Variants in INPP5B observed in about 807,000 individuals in gnomAD.
INPP5B encodes the protein type II inositol 1,4,5-trisphosphate 5-phosphatase.
A neutral mutation model predicts 118.5 loss-of-function variants in INPP5B; 90 were observed. The ratio of observed to expected loss-of-function variants is 0.76; its 90% CI spans 0.64 to 0.90. The LOEUF (loss-of-function observed/expected upper bound fraction) is 0.90. Among genes scored for constraint, INPP5B ranks in the 40% least tolerant of loss-of-function variants. The pLI is 0.00. For synonymous variants in INPP5B, 385 were observed against 418.9 expected, an observed-to-expected ratio of 0.92 and a Z score of 0.99; for missense variants, 984 against 1,125.6, an observed-to-expected ratio of 0.87 and a Z score of 1.80.
chr1:37,928,078 C>A (rs931582881), intron 7 of INPP5B, among the ~76,000 whole-genome samples: 3 of 152,142 alleles, frequency 2.0e-5, no homozygotes, highest in Non-Finnish European at 4.4e-5. Flanking sequence ...CAACCCTATA[C>A]TCTCTTACCT....
intron 6 of INPP5B, among the ~76,000 whole-genome samples, chr1:37,938,848 G>A (rs1350626029): frequency 2.0e-5 from 3 of 152,128 alleles, no homozygotes; most frequent in Non-Finnish European, 4.4e-5. Flanking sequence ...CCTTAGGCCG[G>A]GAGTTCGAGA....
chr1:37,925,994 G>C (rs1345914840), intron 7 of INPP5B, among the ~76,000 whole-genome samples: 2 of 152,172 alleles, frequency 1.3e-5, no homozygotes, highest in Non-Finnish European at 2.9e-5. Context: ...ATAAACAAAA[G>C]CAAATTTATT....
At chr1:37,887,027 T>C in intron 11 of INPP5B, 23 bp from the exon 12 acceptor site, 1 of 1,595,762 alleles carries the variant, frequency 6.3e-7, no homozygotes, top group Non-Finnish European at 8.6e-7. Context: ...GACATGGCAT[T>C]AAATAGAAAT....
chr1:37,868,134 G>C (rs1642161518), intron 20 of INPP5B, among the ~76,000 whole-genome samples: 1 of 151,846 alleles, frequency 6.6e-6, no homozygotes, highest in East Asian at 1.9e-4. Flanking sequence ...GTCAGAAGTT[G>C]CAAGACCCAT....
chr1:37,932,040 C>T lies in INPP5B; in HGVS notation c.405G>A (p.Ala135=). The T allele has an allele frequency of 1.3e-6, 2 of 1,598,136 alleles. No homozygotes were observed. The highest frequency in any genetic ancestry group is 1.7e-6 in the Non-Finnish European group (2 of 1,171,052). Residue 135 remains alanine, a synonymous_variant, in exon 7 of 24, where the codon GCG becomes GCA. Coordinates refer to ENST00000373024, the MANE Select transcript of INPP5B (RefSeq NM_005540.3). The part of the protein sequence containing the change: ...VARACPGFDS[A]TRDPEFLWLS... ...GCCACAGGAATTCAGGATCCCGGGT[C>T]GCAGAATCGAAGCCTGTGCAGGAAC... is the stretch of plus-strand genomic sequence containing the variant.
chr1:37,896,438 C>T (rs1384206606), intron 7 of INPP5B, among the ~76,000 whole-genome samples: 13 of 150,858 alleles, frequency 8.6e-5, no homozygotes, highest in Non-Finnish European at 7.4e-5. Context: ...GTCAGCCCCC[C>T]GCCCGGCCAG....
At position 37,931,967 on chromosome 1, in the gene INPP5B, G is replaced by C. The variant is rs761112571; in HGVS notation, c.478C>G (p.Arg160Gly). Residue 160 changes from arginine to glycine, a missense_variant, in exon 7 of 24, where the codon CGC becomes GGC. By Grantham distance (125) the Arg-to-Gly change is moderately radical. This residue lies in a region of INPP5B where 350 missense variants were observed against 334.6 expected (regional missense o/e 1.05). Coordinates refer to ENST00000373024, the MANE Select transcript of INPP5B (RefSeq NM_005540.3). ...AELELEMPTPRGCNSALVTWP... is the reference protein window; with the variant it reads ...AELELEMPTPGGCNSALVTWP... ...GTAACTAGGGCCGAGTTACAACCGC[G>C]CGGCGTTGGCATCTCCAGCTCCAGC... 3 of 1,613,846 alleles carry C rather than the reference G, an allele frequency of 1.9e-6. No individual in the cohort carries two copies. The highest frequency in any genetic ancestry group is 1.3e-5 in the African/African-American group (1 of 74,920).
intron 7 of INPP5B, among the ~76,000 whole-genome samples, chr1:37,902,179 G>C (rs996864111): frequency 9.9e-5 from 15 of 151,750 alleles, no homozygotes; most frequent in African/African-American, 3.6e-4. Flanking sequence ...TAGAAACGGG[G>C]TTTCACCATG....
intron 7 of INPP5B, among the ~76,000 whole-genome samples, chr1:37,895,352 T>C (rs1247743007): frequency 6.6e-6 from 1 of 152,194 alleles, no homozygotes; most frequent in Non-Finnish European, 1.5e-5. Flanking sequence ...GTATGCTGGG[T>C]GCACCATGGC....
intron 23 of INPP5B, among the ~76,000 whole-genome samples, chr1:37,863,689 GCACACA>G (rs377183227): frequency 6.7e-6 from 1 of 148,458 alleles, no homozygotes; most frequent in African/African-American, 2.5e-5. Context: ...ACTTTCTCAA[GCACACA>G]CACACACACA....
chr1:37,904,859 A>G (rs1244366848), intron 7 of INPP5B, among the ~76,000 whole-genome samples: 2 of 151,906 alleles, frequency 1.3e-5, no homozygotes, highest in Non-Finnish European at 2.9e-5. Context: ...CCTGGGAAAC[A>G]AGAGCACAAC....
At chr1:37,897,842 G>A (rs1644181353) in intron 7 of INPP5B, among the ~76,000 whole-genome samples, 1 of 152,110 alleles carries the variant, frequency 6.6e-6, no homozygotes, top group Admixed American at 6.5e-5. Context: ...AGGCTGGGGA[G>A]GGATGGTTAC....
At chr1:37,874,355 G>A (rs921760965) in intron 17 of INPP5B, among the ~76,000 whole-genome samples, 200 bp from the exon 18 acceptor site, 9 of 152,070 alleles carry the variant, frequency 5.9e-5, no homozygotes, top group African/African-American at 1.7e-4. Context: ...CAAAAATTCC[G>A]TTTGTTTTTG....
intron 18 of INPP5B, 84 bp from the exon 19 acceptor site, chr1:37,873,249 C>T: frequency 1.1e-6 from 1 of 947,862 alleles, no homozygotes; most frequent in African/African-American, 1.6e-5. Flanking sequence ...GAGGGTAAGG[C>T]ATAAAGGGTT....
chr1:37,916,460 A>G (rs952821174), intron 7 of INPP5B, among the ~76,000 whole-genome samples: 2 of 143,276 alleles, frequency 1.4e-5, no homozygotes, highest in Non-Finnish European at 1.5e-5. Context: ...CTTGTTGCCC[A>G]GGCTAGAGTG....
In INPP5B at chr1:37,887,432, A is replaced by G; in HGVS notation, c.933T>C (p.Phe311=). Residue 311 remains phenylalanine, a synonymous_variant, in exon 11 of 24, where the codon TTT becomes TTC. Coordinates refer to ENST00000373024, the MANE Select transcript of INPP5B (RefSeq NM_005540.3). ...CCTCCTTTGGGGTATCGTGAAAGAA[A>G]AAAGCTTCCTTACTCAGATCAAGCT... The part of the protein sequence containing the change: ...FQELDLSKEA[F]FFHDTPKEEE... 1.2e-6 allele frequency: 2 copies of G among 1,613,550 alleles called. No individual in the cohort carries two copies. Among genetic ancestry groups the G allele is most frequent in the Non-Finnish European group, 1.7e-6 (2 of 1,179,636 alleles).
At chr1:37,939,103 A>T (rs986515159) in intron 6 of INPP5B, among the ~76,000 whole-genome samples, 2 of 151,584 alleles carry the variant, frequency 1.3e-5, no homozygotes, top group Non-Finnish European at 2.9e-5. Context: ...CTGAAGCAGG[A>T]GAATCGCTTG....
intron 1 of INPP5B, among the ~76,000 whole-genome samples, 179 bp downstream of exon 1, chr1:37,946,811 A>G (rs896542837): frequency 6.6e-5 from 10 of 151,790 alleles, no homozygotes; most frequent in African/African-American, 2.4e-4. Context: ...TTCCTTGGAG[A>G]CAGGAAGTGT....
At chr1:37,940,272 C>T (rs1020238727) in intron 6 of INPP5B, among the ~76,000 whole-genome samples, 1 of 152,186 alleles carries the variant, frequency 6.6e-6, no homozygotes, top group African/African-American at 2.4e-5. Context: ...ATTTTCTCAG[C>T]GGCAGTGAGT....
Sources: gnomAD v4.1 joint callset for allele counts (sites outside exome capture counted in the v4.1 genomes callset) on GRCh38, gnomAD v4.1.1 for gene constraint, gnomAD v4.1.1 regional missense constraint, MANE v1.5 for transcripts, NCBI Gene and HGNC (gene_info 2026-07-23, HGNC 2026-07-21) for gene names.